The following GON4L variants were observed in gnomAD, a reference collection of about 807,000 sequenced individuals.
GON4L encodes GON-4-like protein.
Under a neutral mutation model 211.8 loss-of-function variants are expected in GON4L, and 87 were observed. The ratio of observed to expected loss-of-function variants is 0.41; its 90% CI spans 0.35 to 0.49. The LOEUF is 0.49. Among genes scored for constraint, GON4L ranks in the 20% least tolerant of loss-of-function variants. The pLI, the probability that GON4L is intolerant of heterozygous loss-of-function variation, is 0.15. For synonymous variants in GON4L, 875 were observed against 962.6 expected (o/e 0.91, Z 1.68); for missense variants, 2,155 against 2,659.5 (o/e 0.81, Z 4.17).
At chr1:155,751,553 CATAA>C (rs1362063851) in intron 31 of GON4L, among the ~76,000 whole-genome samples, 27 of 152,252 alleles carry the variant, frequency 1.8e-4, no homozygotes, top group African/African-American at 3.6e-4. Context: ...GTCTAAAATA[CATAA>C]ATAAATAAAA....
intron 2 of GON4L, among the ~76,000 whole-genome samples, chr1:155,828,224 C>T (rs1219210209): frequency 6.6e-6 from 1 of 152,072 alleles, no homozygotes; most frequent in African/African-American, 2.4e-5. Flanking sequence ...CGCAGTGGCT[C>T]ACATCTGTAA....
chr1:155,795,035 T>A lies in GON4L; in HGVS notation c.1747+15A>T. 1 of 1,425,382 alleles carries A rather than the reference T, an allele frequency of 7.0e-7. No individual in the cohort carries two copies. The highest frequency in any genetic ancestry group is 1.1e-5 in the South Asian group (1 of 87,352). The allele number at this position is 1,425,382 out of a possible 1,614,324, so 88.3% of individuals were successfully genotyped here. On this transcript the variant is annotated intron_variant, in intron 12 of 31. Coordinates refer to ENST00000368331, the MANE Select transcript of GON4L (RefSeq NM_001282860.2). ...AAGCAGTCAAGAGCAGGACTTAGAA[T>A]AAACACAGACTCACTGGTGATTCTC...
At chr1:155,836,535 A>G (rs921011396) in intron 2 of GON4L, among the ~76,000 whole-genome samples, 36 of 152,316 alleles carry the variant, frequency 2.4e-4, no homozygotes, top group Admixed American at 1.1e-3. Flanking sequence ...GGCGTGAGCC[A>G]CCACGCCTGG....
At chr1:155,802,312 T>TGA (rs141330795) in intron 11 of GON4L, among the ~76,000 whole-genome samples, 2 of 137,054 alleles carry the variant, frequency 1.5e-5, no homozygotes, top group Non-Finnish European at 3.2e-5. Flanking sequence ...ACATTTTCCT[T>TGA]GGGGGGGGGG....
At chr1:155,749,082 A>C (rs1660364420), downstream of GON4L, among the ~76,000 whole-genome samples, 1 of 152,012 alleles carries the variant, frequency 6.6e-6, no homozygotes, top group South Asian at 2.1e-4. Flanking sequence ...GGTGAACCCC[A>C]TCTCTACTAA....
intron 2 of GON4L, among the ~76,000 whole-genome samples, chr1:155,844,004 T>C (rs567867453): frequency 1.9e-4 from 29 of 152,216 alleles, no homozygotes; most frequent in Non-Finnish European, 1.5e-4. Flanking sequence ...CACCAGTGAA[T>C]GTATTTTGGC....
chr1:155,827,579 G>C (rs545158115), intron 2 of GON4L, among the ~76,000 whole-genome samples: 164 of 152,172 alleles, frequency 1.1e-3, no homozygotes, highest in African/African-American at 3.6e-3. Context: ...TAGTTACTTG[G>C]GGGGGCTGAG....
intron 4 of GON4L, 91 bp downstream of exon 4, chr1:155,822,195 G>T (rs537595585): frequency 7.2e-5 from 75 of 1,036,316 alleles, no homozygotes; most frequent in Non-Finnish European, 1.1e-4. Context: ...GGTAATTCAC[G>T]TATCAAGAGT....
At chr1:155,786,871 G>A (rs1664993125) in intron 12 of GON4L, among the ~76,000 whole-genome samples, 1 of 151,790 alleles carries the variant, frequency 6.6e-6, no homozygotes, top group African/African-American at 2.4e-5. Context: ...GCCTCCCTAA[G>A]TGTTGGGATT....
intron 3 of GON4L, among the ~76,000 whole-genome samples, chr1:155,824,006 C>A (rs1468984825): frequency 6.6e-6 from 1 of 152,150 alleles, no homozygotes; most frequent in African/African-American, 2.4e-5. Context: ...GATGCCCAAA[C>A]TTATAAGCTA....
Position 155,755,120 on chromosome 1 carries a change from G to A in GON4L, c.5518-632C>T, listed in dbSNP as rs577006992. On this transcript the variant is annotated intron_variant, in intron 27 of 31. Coordinates refer to ENST00000368331, the MANE Select transcript of GON4L (RefSeq NM_001282860.2). ...GAGTCTCGCTCTTTCTCCCAGGCTG[G>A]AGTGCAGTGGCGTGATCTCAGCTTA... Among the ~76,000 whole-genome samples, 343 of 148,848 alleles carry A rather than the reference G, an allele frequency of 2.3e-3. 2 individuals carry two copies. The highest frequency in any genetic ancestry group is 7.8e-3 in the African/African-American group (314 of 40,340).
chr1:155,803,558 C>CATATTTTTTATCTGTTTGGATAAAAGTTT (rs1557878685), intron 11 of GON4L, among the ~76,000 whole-genome samples: 8 of 152,078 alleles, frequency 5.3e-5, no homozygotes, highest in Admixed American at 4.6e-4. Context: ...AGTCTGTTTC[C>CATATTTTTTATCTGTTTGGATAAAAGTTT]ATCCAAACTT....
At chr1:155,803,247 CTTTTTTTT>C (rs1017161138) in intron 11 of GON4L, among the ~76,000 whole-genome samples, 2 of 141,118 alleles carry the variant, frequency 1.4e-5, no homozygotes, top group Non-Finnish European at 3.1e-5. Context: ...ATTTCTTTTT[CTTTTTTTT>C]TTTTTTTTGA....
intron 14 of GON4L, among the ~76,000 whole-genome samples, chr1:155,781,165 G>A (rs907452150): frequency 1.3e-5 from 2 of 151,082 alleles, no homozygotes; most frequent in African/African-American, 4.9e-5. Flanking sequence ...TTTTTGAGAT[G>A]GAGTTTCGTT....
intron 12 of GON4L, 93 bp from the exon 13 acceptor site, chr1:155,785,467 G>C: frequency 1.1e-6 from 1 of 893,328 alleles, no homozygotes; most frequent in Non-Finnish European, 1.9e-6. Context: ...TTTTCAACAA[G>C]GCATGACAAA....
intron 2 of GON4L, among the ~76,000 whole-genome samples, chr1:155,844,337 C>T (rs377124066): frequency 1.2e-4 from 19 of 152,144 alleles, no homozygotes; most frequent in African/African-American, 3.4e-4. Context: ...TCAATAAGAC[C>T]GACTGCACAT....
chr1:155,763,054 T>TA (rs1423146323), intron 22 of GON4L, among the ~76,000 whole-genome samples: 2 of 150,292 alleles, frequency 1.3e-5, no homozygotes, highest in South Asian at 2.1e-4. Flanking sequence ...AATAAAAAAA[T>TA]AAAAAAAAGA....
Position 155,753,273 on chromosome 1 carries a change from G to A in GON4L, c.5773C>T (p.Arg1925Trp), listed in dbSNP as rs781420905. 26 of 1,613,534 alleles carry A rather than the reference G, an allele frequency of 1.6e-5. No homozygotes were observed. Among genetic ancestry groups the A allele is most frequent in the South Asian group, 4.4e-5 (4 of 91,066 alleles). Residue 1925 changes from arginine (R) to tryptophan (W), a missense_variant, in exon 29 of 32, where the codon CGG becomes TGG. Arg to Trp is a moderately radical substitution (Grantham distance 101, BLOSUM62 -3). Coordinates refer to ENST00000368331, the MANE Select transcript of GON4L (RefSeq NM_001282860.2). Reference sequence around the variant, plus strand: ...CTCTGGGTGGCCTCAGTGCTCTCCCGCTCCTCTGGGGCTTCCTCTTCCATC... The same window carrying A: ...CTCTGGGTGGCCTCAGTGCTCTCCCACTCCTCTGGGGCTTCCTCTTCCATC... ...DMMEEEAPEE[R>W]ESTEATQSRT...
At chr1:155,797,257 G>C (rs1170215912) in intron 11 of GON4L, among the ~76,000 whole-genome samples, 1 of 151,928 alleles carries the variant, frequency 6.6e-6, no homozygotes, top group Non-Finnish European at 1.5e-5. Flanking sequence ...TGGGACTACA[G>C]ATGTGCACCA....
Sources: gnomAD v4.1 joint callset for allele counts (sites outside exome capture counted in the v4.1 genomes callset) on GRCh38, gnomAD v4.1.1 for gene constraint, MANE v1.5 for transcripts, NCBI Gene and HGNC (gene_info 2026-07-23, HGNC 2026-07-21) for gene names.